Variants in PLAA observed in about 807,000 individuals in gnomAD.
The protein encoded by PLAA is phospholipase A2 activating protein.
A neutral mutation model predicts 84.1 loss-of-function variants in PLAA; 48 were observed. The observed-to-expected ratio is 0.57, with a 90% CI of 0.45 to 0.73. The LOEUF (loss-of-function observed/expected upper bound fraction) is 0.73. Ranked by LOEUF, PLAA falls within the 30% of genes least tolerant of loss-of-function variation. The probability of loss-of-function intolerance (pLI) is 0.00; values close to 1 mark genes in which losing one functional copy is unlikely to be tolerated. For synonymous variants in PLAA, 392 were observed against 336.6 expected (o/e 1.16, Z -1.80); for missense variants, 903 against 954.7 (o/e 0.95, Z 0.71).
intron 10 of PLAA, 105 bp downstream of exon 10, chr9:26,916,992 G>T: frequency 1.1e-6 from 1 of 933,752 alleles, no homozygotes; most frequent in African/African-American, 1.7e-5. Context: ...ATGCAGATAA[G>T]GGAATTACCA....
At chr9:26,932,710 G>C (rs897343002) in intron 2 of PLAA, among the ~76,000 whole-genome samples, 4 of 152,142 alleles carry the variant, frequency 2.6e-5, no homozygotes, top group African/African-American at 4.8e-5. Context: ...GGGGGAAGAT[G>C]AAACAAAAAT....
chr9:26,908,317 C>G (rs1266679043), intron 12 of PLAA, among the ~76,000 whole-genome samples: 4 of 151,520 alleles, frequency 2.6e-5, no homozygotes, highest in Admixed American at 2.6e-4. Flanking sequence ...TAGGCGCCTG[C>G]CACCATGCCT....
At chr9:26,941,200 G>A (rs1825525211) in intron 1 of PLAA, among the ~76,000 whole-genome samples, 1 of 151,096 alleles carries the variant, frequency 6.6e-6, no homozygotes, top group Non-Finnish European at 1.5e-5. Flanking sequence ...GGGGAGGGAT[G>A]TGCAGCTAGA....
At chr9:26,933,592 T>C (rs1825254427) in intron 2 of PLAA, among the ~76,000 whole-genome samples, 1 of 151,770 alleles carries the variant, frequency 6.6e-6, no homozygotes, top group Non-Finnish European at 1.5e-5. Context: ...ATCGAGATCA[T>C]CCTGGCTAAC....
chr9:26,918,293 T>TC (rs1761871830), intron 9 of PLAA, among the ~76,000 whole-genome samples: 1 of 148,632 alleles, frequency 6.7e-6, no homozygotes, highest in Admixed American at 6.7e-5. Context: ...TTTGTATTTT[T>TC]TTTTTTTTTT....
intron 10 of PLAA, 76 bp downstream of exon 10, chr9:26,917,021 C>T: frequency 7.6e-6 from 9 of 1,186,578 alleles, no homozygotes; most frequent in Non-Finnish European, 1.1e-5. Flanking sequence ...ATGACATCTC[C>T]AAGATGTAAA....
chr9:26,936,503 T>C (rs1363215535), intron 1 of PLAA, among the ~76,000 whole-genome samples: 1 of 152,210 alleles, frequency 6.6e-6, no homozygotes, highest in Non-Finnish European at 1.5e-5. Context: ...TTGCAGTCAT[T>C]TGAAAGCTTG....
intron 10 of PLAA, 149 bp from the exon 11 acceptor site, chr9:26,914,096 T>G: frequency 1.7e-6 from 1 of 580,754 alleles, no homozygotes; most frequent in South Asian, 2.7e-5. Flanking sequence ...TACAGAAAAG[T>G]GCTTAGAACA....
At chr9:26,922,285 G>GT (rs533715557) in intron 7 of PLAA, among the ~76,000 whole-genome samples, 90 of 142,976 alleles carry the variant, frequency 6.3e-4, no homozygotes, top group Admixed American at 5.6e-4. Context: ...TGTTTTTATT[G>GT]TTTTTTTTTT....
chr9:26,906,946 C>A (rs1437034802), intron 13 of PLAA, among the ~76,000 whole-genome samples: 1 of 149,584 alleles, frequency 6.7e-6, no homozygotes, highest in Non-Finnish European at 1.5e-5. Context: ...AAAAAAACAC[C>A]TACTGAACCA....
At chr9:26,927,276 A>G (rs904479760) in intron 4 of PLAA, among the ~76,000 whole-genome samples, 1 of 151,362 alleles carries the variant, frequency 6.6e-6, no homozygotes, top group Non-Finnish European at 1.5e-5. Context: ...GTGCATCACC[A>G]CTCCTGGCGA....
intron 7 of PLAA, among the ~76,000 whole-genome samples, chr9:26,921,027 A>G (rs1824741120): frequency 6.6e-6 from 1 of 151,910 alleles, no homozygotes; most frequent in Admixed American, 6.6e-5. Flanking sequence ...TTTTCATCTC[A>G]CTTGGTAAAA....
rs1029169090 is a variant in PLAA, at chr9:26,904,894, A to G, written c.*617T>C. The G allele has an allele frequency of 7.2e-5, 11 of 152,246 alleles. No individual in the cohort carries two copies. Among genetic ancestry groups the G allele is most frequent in the Admixed American group, 3.3e-4 (5 of 15,280 alleles). The allele number at this position is 152,246 out of a possible 1,614,324, so 9.4% of individuals were successfully genotyped here. A position where few individuals can be genotyped will look rare whatever the true frequency, so the allele number is the denominator to read the frequency against. On this transcript the variant is annotated 3_prime_UTR_variant, in exon 14 of 14. Coordinates refer to ENST00000397292, the MANE Select transcript of PLAA (RefSeq NM_001031689.3). ...ATTGAGACCTCGTCTGTCTGAACTGATACATGACTAACACAGCTTACCAAC... is the reference window on the plus strand; with the variant it reads ...ATTGAGACCTCGTCTGTCTGAACTGGTACATGACTAACACAGCTTACCAAC...
At chr9:26,907,232 TC>T (rs1824264222) in intron 13 of PLAA, among the ~76,000 whole-genome samples, 1 of 151,762 alleles carries the variant, frequency 6.6e-6, no homozygotes, top group Non-Finnish European at 1.5e-5. Context: ...CCACAAATGC[TC>T]TGAAACAGTA....
At chr9:26,931,494 AC>A (rs1825184290) in intron 2 of PLAA, among the ~76,000 whole-genome samples, 1 of 152,212 alleles carries the variant, frequency 6.6e-6, no homozygotes, top group Non-Finnish European at 1.5e-5. Context: ...TCTTAATATC[AC>A]AAAAAGATAT....
rs772901054 is a variant in PLAA, at chr9:26,925,820, A to C, written c.869+5T>G. The stretch of plus-strand genomic sequence containing the variant: ...ACATTTAATGATTGACTAGAATATA[A>C]ATACCTCGCACCAACCACAATGTCA... On this transcript the variant is annotated splice_donor_5th_base_variant and intron_variant, in intron 6 of 13. Transcript: ENST00000397292. 2.3e-5 allele frequency: 37 copies of C among 1,613,402 alleles called. No homozygotes were observed. In the South Asian group the frequency reaches 3.8e-4, roughly 17 times the overall value.
At chr9:26,922,228 T>C (rs1563911602) in intron 7 of PLAA, among the ~76,000 whole-genome samples, 1 of 152,008 alleles carries the variant, frequency 6.6e-6, no homozygotes, top group Non-Finnish European at 1.5e-5. Flanking sequence ...TAATTCTTAA[T>C]ATTAATACCT....
chr9:26,933,775 C>T (rs1301337798), intron 2 of PLAA, among the ~76,000 whole-genome samples: 47 of 127,098 alleles, frequency 3.7e-4, no homozygotes, highest in African/African-American at 3.0e-5. Flanking sequence ...GGCGACAGAG[C>T]GAGACTCTGC....
At chr9:26,926,274 T>G (rs946902854) in intron 5 of PLAA, 119 bp downstream of exon 5, 13 of 666,836 alleles carry the variant, frequency 1.9e-5, no homozygotes, top group Non-Finnish European at 2.8e-5. Context: ...ATAAATTTAC[T>G]AAATTATTCA....
Sources: allele counts gnomAD v4.1 joint callset (sites outside exome capture counted in the v4.1 genomes callset), GRCh38; gene constraint gnomAD v4.1.1; transcripts MANE v1.5; gene names NCBI Gene and HGNC (gene_info 2026-07-23, HGNC 2026-07-21).